Variants in NCOR1 observed in about 807,000 individuals in gnomAD.
NCOR1 encodes the protein protein phosphatase 1, regulatory subunit 109.
In NCOR1, 63 loss-of-function variants were observed where a neutral mutation model predicts 288.1. The ratio of observed to expected loss-of-function variants is 0.22; its 90% CI spans 0.18 to 0.27. NCOR1 has a LOEUF of 0.27. NCOR1 is among the 10% of genes least tolerant of loss of function. The probability of loss-of-function intolerance (pLI) is 1.00; values close to 1 mark genes in which losing one functional copy is unlikely to be tolerated. For synonymous variants in NCOR1, 1,007 were observed against 1,065.9 expected (o/e 0.94, Z 1.08); for missense variants, 2,397 against 3,019.2 (o/e 0.79, Z 4.83).
chr17:16,101,937 A>G, intron 19 of NCOR1, 180 bp from the exon 20 acceptor site: 1 of 767,154 alleles, frequency 1.3e-6, no homozygotes, highest in Non-Finnish European at 2.0e-6. Context: ...ATTTACAGCC[A>G]TTGAGAAGGC....
chr17:16,112,241 C>T (rs1419620997), intron 18 of NCOR1, among the ~76,000 whole-genome samples: 3 of 152,148 alleles, frequency 2.0e-5, no homozygotes, highest in Admixed American at 6.5e-5. Flanking sequence ...TGGATGTTAC[C>T]TCCTGAAGTC....
rs574909127 is a variant in NCOR1, at chr17:16,030,717, G to A, written c.*1579C>T. On this transcript the variant is annotated 3_prime_UTR_variant, in exon 46 of 46. Coordinates refer to ENST00000268712, the MANE Select transcript of NCOR1 (RefSeq NM_006311.4). ...GTGAAAGCTTTGACTGAAGACAAAT[G>A]TGGGCTTATGGCCTATCTCTGTCAC... The A allele has an allele frequency of 5.6e-5, 10 of 179,536 alleles. No individual in the cohort carries two copies. In the East Asian group the frequency reaches 9.3e-4, roughly 17 times the overall value. The allele number at this position is 179,536 out of a possible 1,614,324, so 11.1% of individuals were successfully genotyped here.
Position 16,048,873 on chromosome 17 carries a change from G to C in NCOR1, c.6508C>G (p.Gln2170Glu). ...TGCTCTGCAGGCTCTGCGCCCCTCTGAGACAAGAGCAGCAAGCTGTCCTGT... is the reference window on the plus strand; with the variant it reads ...TGCTCTGCAGGCTCTGCGCCCCTCTCAGACAAGAGCAGCAAGCTGTCCTGT... ...EKQDSLLLLS[Q>E]RGAEPAEQRN... Residue 2170 changes from glutamine to glutamate, a missense_variant, in exon 41 of 46, where the codon CAG becomes GAG. Around this residue, in one of 11 missense-constraint regions of NCOR1, gnomAD observed 1,872 missense variants for 2,187.8 expected, o/e 0.86. Transcript: ENST00000268712. The C allele has an allele frequency of 6.2e-7, 1 of 1,613,596 alleles. No individual in the cohort carries two copies. Among genetic ancestry groups the C allele is most frequent in the African/African-American group, 1.3e-5 (1 of 75,012 alleles).
chr17:16,037,325 T>C (rs1193106575), intron 44 of NCOR1, among the ~76,000 whole-genome samples: 1 of 151,946 alleles, frequency 6.6e-6, no homozygotes, highest in African/African-American at 2.4e-5. Flanking sequence ...TACCAAAATA[T>C]GACACAGACA....
At position 16,158,825 on chromosome 17, in the gene NCOR1, C is replaced by A; in HGVS notation, c.667G>T (p.Val223Leu). Residue 223 changes from valine (V) to leucine (L), a missense_variant, in exon 6 of 46, where the codon GTG (valine) becomes TTG (leucine). This residue lies in a region of NCOR1 where 76 missense variants were observed against 102.2 expected (regional missense o/e 0.74). Coordinates refer to ENST00000268712, the MANE Select transcript of NCOR1 (RefSeq NM_006311.4). Reference protein sequence around the residue: ...AAKPPEPEKPVSPPPVEQKHR... With the variant: ...AAKPPEPEKPLSPPPVEQKHR... ...TTCTGCTCCACAGGAGGAGGGGACA[C>A]GGGCTTCTCAGGCTCAGGAGGTTTA... is the stretch of plus-strand genomic sequence containing the variant. The A allele has an allele frequency of 6.2e-7, 1 of 1,614,048 alleles. No homozygotes were observed. Among genetic ancestry groups the A allele is most frequent in the Non-Finnish European group, 8.5e-7 (1 of 1,179,994 alleles).
At chr17:16,122,743 C>G (rs1031522115) in intron 15 of NCOR1, 4 of 152,250 alleles carry the variant, frequency 2.6e-5, no homozygotes, top group African/African-American at 9.7e-5. Context: ...CTCAAGTGAG[C>G]CTCCCACCTC....
At chr17:16,102,292 A>AT (rs1438840728) in intron 19 of NCOR1, among the ~76,000 whole-genome samples, 1 of 151,990 alleles carries the variant, frequency 6.6e-6, no homozygotes, top group African/African-American at 2.4e-5. Context: ...TTAATTTTTA[A>AT]TTTTTTGGAG....
At chr17:16,114,160 A>C (rs59621305) in intron 18 of NCOR1, among the ~76,000 whole-genome samples, 8,213 of 106,796 alleles carry the variant, frequency 0.077, 1,307 homozygotes, top group African/African-American at 0.24. Flanking sequence ...AAAAAAAAAA[A>C]AAAAAAAAAC....
chr17:16,139,899 A>G (rs2076922751), intron 11 of NCOR1, among the ~76,000 whole-genome samples: 2 of 152,142 alleles, frequency 1.3e-5, no homozygotes, highest in Admixed American at 6.5e-5. Context: ...TTCCCTAAAA[A>G]TTTTCCTCAT....
At chr17:16,068,289 T>C (rs1205455316) in intron 31 of NCOR1, 168 bp from the exon 32 acceptor site, 20 of 624,570 alleles carry the variant, frequency 3.2e-5, no homozygotes, top group East Asian at 5.7e-5. Context: ...GTAAACAACA[T>C]ATGAAAATGT....
intron 30 of NCOR1, 98 bp downstream of exon 30, chr17:16,071,311 G>A: frequency 1.4e-6 from 2 of 1,479,470 alleles, no homozygotes; most frequent in Non-Finnish European, 1.8e-6. Flanking sequence ...CTTCCAGGAG[G>A]TCTGACATCA....
At chr17:16,135,158 C>CAA (rs577308243) in intron 14 of NCOR1, among the ~76,000 whole-genome samples, 471 of 35,046 alleles carry the variant, frequency 0.013, 7 homozygotes, top group African/African-American at 0.02. Flanking sequence ...GACTCCATCT[C>CAA]AAAAAAAAAA....
chr17:16,213,489 C>CAAAAAAAAA (rs537795184), intron 1 of NCOR1, among the ~76,000 whole-genome samples: 1,466 of 77,858 alleles, frequency 0.019, 123 homozygotes, highest in Non-Finnish European at 0.023. Flanking sequence ...AAGACTGTCT[C>CAAAAAAAAA]AAAAAAAAAA....
chr17:16,127,301 GTATATATACATGTATGTATATATGTA>G (rs2074411229), intron 14 of NCOR1, among the ~76,000 whole-genome samples: 1 of 95,706 alleles, frequency 1.0e-5, no homozygotes, highest in Non-Finnish European at 2.4e-5. Context: ...ATGTATGTAT[GTATATATACATGTATGTATATATGTA>G]TGTATATATA....
intron 14 of NCOR1, among the ~76,000 whole-genome samples, chr17:16,136,139 A>AAC (rs1224226501): frequency 6.6e-6 from 1 of 152,190 alleles, no homozygotes; most frequent in Non-Finnish European, 1.5e-5. Context: ...TGTGAAAACT[A>AAC]ACCTTTTTCA....
chr17:16,139,235 T>C lies in NCOR1; in HGVS notation c.1174-49A>G, dbSNP rs1200060286. The C allele has an allele frequency of 5.3e-6, 8 of 1,522,186 alleles. No individual in the cohort carries two copies. In the Admixed American group the frequency reaches 5.5e-5, roughly 10 times the overall value. 94.3% of individuals were successfully genotyped at this position (1,522,186 alleles called of 1,614,324 possible). A position where few individuals can be genotyped will look rare whatever the true frequency, so the allele number is the denominator to read the frequency against. On this transcript the variant is annotated intron_variant, in intron 11 of 45. Coordinates refer to ENST00000268712, the MANE Select transcript of NCOR1 (RefSeq NM_006311.4). ...TAGAATAAAACATAAACTAGAAATT[T>C]AAGGAGGGCCATGGACCAATGCTCT...
intron 32 of NCOR1, 44 bp from the exon 33 acceptor site, chr17:16,065,738 T>G (rs781149976): frequency 6.4e-7 from 1 of 1,560,974 alleles, no homozygotes. Flanking sequence ...TTGTCCTGGC[T>G]GAAATACATT....
At chr17:16,154,393 C>A (rs2153397847) in intron 6 of NCOR1, among the ~76,000 whole-genome samples, 1 of 152,308 alleles carries the variant, frequency 6.6e-6, no homozygotes, top group Non-Finnish European at 1.5e-5. Flanking sequence ...ATGTGCCAAG[C>A]ACTCACTAGA....
intron 17 of NCOR1, 120 bp downstream of exon 17, chr17:16,119,303 C>G (rs1330280956): frequency 3.0e-6 from 2 of 671,942 alleles, no homozygotes; most frequent in Admixed American, 2.8e-5. Flanking sequence ...CTTCTGAGTC[C>G]TCTTTGCCTT....
Sources: allele counts gnomAD v4.1 joint callset (sites outside exome capture counted in the v4.1 genomes callset), GRCh38; gene constraint gnomAD v4.1.1; regional missense constraint gnomAD v4.1.1; transcripts MANE v1.5; gene names NCBI Gene and HGNC (gene_info 2026-07-23, HGNC 2026-07-21).